ELMO3: variants seen among roughly 807,000 people sequenced by gnomAD.
ELMO3 encodes engulfment and cell motility protein 3.
ELMO3 carries 81 observed loss-of-function variants against 89.0 expected under a neutral mutation model. The observed-to-expected ratio is 0.91, with a 90% CI of 0.76 to 1.09. The LOEUF (loss-of-function observed/expected upper bound fraction) is 1.09. ELMO3 is among the 50% of genes least tolerant of loss of function. The pLI, the probability that ELMO3 is intolerant of heterozygous loss-of-function variation, is 0.00. For synonymous variants in ELMO3, 406 were observed against 400.6 expected, an observed-to-expected ratio of 1.01 and a Z score of -0.16; for missense variants, 959 against 972.8, an observed-to-expected ratio of 0.99 and a Z score of 0.19.
intron 8 of ELMO3, 140 bp downstream of exon 8, chr16:67,201,108 C>G (rs1391308429): frequency 3.0e-6 from 3 of 1,010,636 alleles, no homozygotes; most frequent in Non-Finnish European, 4.2e-6. Flanking sequence ...TGCAGTGGTG[C>G]GATCTTGGCT....
At position 67,203,861 on chromosome 16, in the gene ELMO3, G is replaced by A; in HGVS notation, c.2147G>A (p.Ser716Asn). The change falls in exon 20 of 20, where the codon AGC becomes AAC. Residue 716 changes from serine to asparagine, a missense_variant. Transcript: ENST00000393997. This position sits in a 1 kb window ranked among gnomAD's most constrained non-coding sequence, Gnocchi z 4.6. ...PTNFNFCYDC[S>N]IAEP ...AACTTCAACTTCTGCTATGACTGCA[G>A]CATCGCTGAACCTTGACAGTGTGGC... is the stretch of plus-strand genomic sequence containing the variant. The A allele has an allele frequency of 1.3e-6, 2 of 1,586,022 alleles. No individual in the cohort carries two copies. Among genetic ancestry groups the A allele is most frequent in the Non-Finnish European group, 1.7e-6 (2 of 1,165,910 alleles).
rs979317943 is a variant in ELMO3, at chr16:67,202,064, A to C, written c.1138A>C (p.Ser380Arg). ...NMLYFSRNAP[S>R]AYSRFVLENS... ...GTTGTACTTCTCCAGAAACGCGCCC[A>C]GCGCGTACAGCCGGGTCGGTGACAG... is the stretch of plus-strand genomic sequence containing the variant. The change falls in exon 12 of 20, where the codon AGC becomes CGC. Residue 380 changes from serine (S) to arginine (R), a missense_variant. Coordinates refer to ENST00000393997, the MANE Select transcript of ELMO3 (RefSeq NM_024712.5). The C allele has an allele frequency of 4.5e-6, 7 of 1,540,390 alleles. No individual in the cohort carries two copies. Among genetic ancestry groups the C allele is most frequent in the South Asian group, 3.3e-5 (3 of 89,808 alleles).
Position 67,202,996 on chromosome 16 carries a change from G to A in ELMO3, c.1667G>A (p.Arg556Gln), listed in dbSNP as rs200475452. 8.3e-5 allele frequency: 134 copies of A among 1,605,734 alleles called. No individual in the cohort carries two copies. The East Asian group carries it at 2.1e-3, about 25-fold the overall frequency. The change falls in exon 16 of 20, where the codon CGG becomes CAG. Residue 556 changes from arginine (R) to glutamine (Q), a missense_variant. Physicochemically the swap from Arg to Gln is conservative, Grantham distance 43. Coordinates refer to ENST00000393997, the MANE Select transcript of ELMO3 (RefSeq NM_024712.5). ...CTCTTCCGCAAGATCAGCAGCCGGC[G>A]GCGCCAGGGTCTCTGAATGGGCATG... ...GTLFRKISSR[R>Q]RQDKLWFCCL...
chr16:67,200,236 T>C lies in ELMO3; in HGVS notation c.288T>C (p.Ser96=). ...TCTTGGGTGGGCTGCAGAGTAACAG[T>C]CCTGAAGGGCGCCGGGAAGCCCTGA... ...EQLLGGLQSN[S]PEGRREALRR... The change falls in exon 5 of 20, where the codon AGT becomes AGC. Residue 96 remains serine (S), a synonymous_variant. Transcript: ENST00000393997. 2 of 1,613,608 alleles carry C rather than the reference T, an allele frequency of 1.2e-6. No individual in the cohort carries two copies. Among genetic ancestry groups the C allele is most frequent in the South Asian group, 1.1e-5 (1 of 91,084 alleles).
At chr16:67,200,622 TG>T in intron 6 of ELMO3, 34 bp from the exon 7 acceptor site, 1 of 1,609,598 alleles carries the variant, frequency 6.2e-7, no homozygotes, top group Non-Finnish European at 8.5e-7. Flanking sequence ...CGGTCTTCCA[TG>T]GGGGTGAGGT....
rs917150003 is a variant in ELMO3 at position 67,203,972 on chromosome 16, G to C, written c.*95G>C. The C allele has an allele frequency of 1.2e-5, 14 of 1,126,492 alleles. No individual in the cohort carries two copies. The highest frequency in any genetic ancestry group is 2.8e-5 in the Admixed American group (1 of 36,104). 69.8% of individuals were successfully genotyped at this position (1,126,492 alleles called of 1,614,324 possible). ...GCAGGCACCCTGACCAGCAGAGATTGCTGCAGAAATAAAGTCTGCTTGGCT... is the reference window on the plus strand; with the variant it reads ...GCAGGCACCCTGACCAGCAGAGATTCCTGCAGAAATAAAGTCTGCTTGGCT... On this transcript the variant is annotated 3_prime_UTR_variant, in exon 20 of 20. Coordinates refer to ENST00000393997, the MANE Select transcript of ELMO3 (RefSeq NM_024712.5). This position sits in a 1 kb window ranked among gnomAD's most constrained non-coding sequence, Gnocchi z 4.6.
At position 67,199,656 on chromosome 16, in the gene ELMO3, C is replaced by T. The variant is rs531431012; in HGVS notation, c.120-28C>T. The T allele has an allele frequency of 3.1e-6, 5 of 1,608,318 alleles. No individual in the cohort carries two copies. The Admixed American group carries it at 6.7e-5, about 21-fold the overall frequency. The stretch of plus-strand genomic sequence containing the variant: ...GGGCAGGAGGGGCGGCGCCCCCTGC[C>T]GGCCTCGCTGAGCCTCGTGCCCCTC... On this transcript the variant is annotated intron_variant, in intron 2 of 19. Coordinates refer to ENST00000393997, the MANE Select transcript of ELMO3 (RefSeq NM_024712.5).
At chr16:67,202,368 C>T (rs1396185071) in intron 13 of ELMO3, 29 bp from the exon 14 acceptor site, 1 of 1,613,694 alleles carries the variant, frequency 6.2e-7, no homozygotes, top group Non-Finnish European at 8.5e-7. Context: ...GCACTTTCTC[C>T]CTGAGCCCCT....
At position 67,200,112 on chromosome 16, in the gene ELMO3, C is replaced by T. The variant is rs1232163509; in HGVS notation, c.244-80C>T. On this transcript the variant is annotated intron_variant, in intron 4 of 19. Coordinates refer to ENST00000393997, the MANE Select transcript of ELMO3 (RefSeq NM_024712.5). ...GCCCTGCCTTGCGCCACCTAGTTGA[C>T]GCCCGGGGCCGCACACTTCCAGGTC... 5.1e-6 allele frequency: 8 copies of T among 1,564,064 alleles called. No individual in the cohort carries two copies. The African/African-American group carries it at 1.1e-4, about 21-fold the overall frequency.
rs969686532 is a variant in ELMO3, at chr16:67,202,705, G to A, written c.1477G>A (p.Val493Met). 6.2e-6 allele frequency: 10 copies of A among 1,613,778 alleles called. No individual in the cohort carries two copies. Among genetic ancestry groups the A allele is most frequent in the African/African-American group, 1.3e-5 (1 of 75,056 alleles). Residue 493 changes from valine (V) to methionine (M), a missense_variant, in exon 15 of 20, where the codon GTG (valine) becomes ATG (methionine). Transcript: ENST00000393997. ...PTSLELFRTKVNALTYGEVLR... is the reference protein window; with the variant it reads ...PTSLELFRTKMNALTYGEVLR... ...TTCCCTGGAGCTCTTCCGAACCAAG[G>A]TGAATGCGCTCACTTATGGGGAGGT...
Position 67,200,061 on chromosome 16 carries a change from C to T in ELMO3, c.243+60C>T, listed in dbSNP as rs2033062654. 3 of 1,588,162 alleles carry T rather than the reference C, an allele frequency of 1.9e-6. No homozygotes were observed. The African/African-American group carries it at 4.0e-5, about 21-fold the overall frequency. On this transcript the variant is annotated intron_variant, in intron 4 of 19. Transcript: ENST00000393997. ...GCCCCTTTGCTCCAGGTCCAGAGGC[C>T]CCCCGCCCCGGAGGCCCCCGCCCCA...
Position 67,200,552 on chromosome 16 carries a change from TGGGTGGGCTTTCCTAGGGCAGC to T in ELMO3, c.513+10_513+31del. 1 of 1,613,070 alleles carries T rather than the reference TGGGTGGGCTTTCCTAGGGCAGC, an allele frequency of 6.2e-7. No individual in the cohort carries two copies. Among genetic ancestry groups the T allele is most frequent in the Non-Finnish European group, 8.5e-7 (1 of 1,179,776 alleles). ...CTGAGCATCCCCTTTGTGAGGAAGG[TGGGTGGGCTTTCCTAGGGCAGC>T]GGGTGGGGGCAGTGGAGCAGTGGGG... On this transcript the variant is annotated splice_donor_5th_base_variant and intron_variant, in intron 6 of 19. Coordinates refer to ENST00000393997, the MANE Select transcript of ELMO3 (RefSeq NM_024712.5).
chr16:67,201,924 T>C, intron 11 of ELMO3, 51 bp downstream of exon 11: 1 of 1,605,482 alleles, frequency 6.2e-7, no homozygotes, highest in Non-Finnish European at 8.5e-7. Context: ...CCCAGGGCTG[T>C]TGTTCCAGGC....
Position 67,200,927 on chromosome 16 carries a change from C to G in ELMO3, c.703C>G (p.Leu235Val). 1 of 1,612,650 alleles carries G rather than the reference C, an allele frequency of 6.2e-7. No homozygotes were observed. Reference protein sequence around the residue: ...QQLQTKAMALLTALLQGASPV... With the variant: ...QQLQTKAMALVTALLQGASPV... Reference sequence around the variant, plus strand: ...GCTGCAAACCAAGGCCATGGCCCTGCTGACAGCCTTGCTGCAGGGGGCCAG... The same window carrying G: ...GCTGCAAACCAAGGCCATGGCCCTGGTGACAGCCTTGCTGCAGGGGGCCAG... The change falls in exon 8 of 20, where the codon CTG (leucine) becomes GTG (valine). Residue 235 changes from leucine (L) to valine (V), a missense_variant. Physicochemically the swap from Leu to Val is conservative, Grantham distance 32. Transcript: ENST00000393997.
intron 1 of ELMO3, 72 bp downstream of exon 1, chr16:67,199,476 G>GCCCCCCC: frequency 6.7e-7 from 1 of 1,503,558 alleles, no homozygotes; most frequent in African/African-American, 1.4e-5. Flanking sequence ...CCTCGGGGCA[G>GCCCCCCC]CCCGCCCCAC....
rs1415341965 is a variant in ELMO3 at position 67,201,605 on chromosome 16, A to G, written c.881A>G (p.Glu294Gly). The G allele has an allele frequency of 6.2e-7, 1 of 1,613,644 alleles. No individual in the cohort carries two copies. The highest frequency in any genetic ancestry group is 2.2e-5 in the East Asian group (1 of 44,876). ...CAGGCTCTCATGCTGGGGCTGCTGG[A>G]GCCGCGCATGCGGACGCCCCTGGAC... ...VLQALMLGLL[E>G]PRMRTPLDPY... The change falls in exon 10 of 20, where the codon GAG (glutamate) becomes GGG (glycine). Residue 294 changes from glutamate (E) to glycine (G), a missense_variant. By Grantham distance (98) the Glu-to-Gly change is moderately conservative. Coordinates refer to ENST00000393997, the MANE Select transcript of ELMO3 (RefSeq NM_024712.5).
intron 4 of ELMO3, 94 bp from the exon 5 acceptor site, chr16:67,200,098 C>A: frequency 6.4e-7 from 1 of 1,555,412 alleles, no homozygotes; most frequent in Non-Finnish European, 8.7e-7. Context: ...CCCTGCCTTG[C>A]GCCACCTAGT....
Position 67,200,717 on chromosome 16 carries a change from C to T in ELMO3, c.574C>T (p.Leu192=), listed in dbSNP as rs1308143660. ...DASVPPLALG[L]LESVTLSSPA... ...CTCCGTGCCTCCCCTGGCCCTTGGG[C>T]TGCTGGAGAGTGTGACCTTGAGCAG... Residue 192 remains leucine (L), a synonymous_variant, in exon 7 of 20, where the codon CTG becomes TTG. Transcript: ENST00000393997. 6.8e-6 allele frequency: 11 copies of T among 1,613,678 alleles called. No individual in the cohort carries two copies. The highest frequency in any genetic ancestry group is 9.3e-6 in the Non-Finnish European group (11 of 1,180,020).
rs927521349 is a variant in ELMO3 at position 67,202,943 on chromosome 16, G to T, written c.1614G>T (p.Gln538His). Reference protein sequence around the residue: ...KPELMGLIRQQRLLRLCEGTL... With the variant: ...KPELMGLIRQHRLLRLCEGTL... ...AGCTCATGGGCCTGATCCGCCAGCAGCGCTTGCTCCGCCTCTGTGAGGGGA... is the reference window on the plus strand; with the variant it reads ...AGCTCATGGGCCTGATCCGCCAGCATCGCTTGCTCCGCCTCTGTGAGGGGA... The change falls in exon 16 of 20, where the codon CAG (glutamine) becomes CAT (histidine). Residue 538 changes from glutamine (Q) to histidine (H), a missense_variant. Transcript: ENST00000393997. 6.8e-6 allele frequency: 11 copies of T among 1,610,332 alleles called. No individual in the cohort carries two copies. Among genetic ancestry groups the T allele is most frequent in the Middle Eastern group, 3.3e-4 (2 of 6,084 alleles).
Sources: allele counts gnomAD v4.1 joint callset, GRCh38; gene constraint gnomAD v4.1.1; non-coding constraint Gnocchi (gnomAD v3.1); transcripts MANE v1.5; gene names NCBI Gene and HGNC (gene_info 2026-07-23, HGNC 2026-07-21).